PRKCE: variants seen among roughly 807,000 people sequenced by gnomAD.
PRKCE encodes the protein protein kinase C epsilon, also known as protein kinase C epsilon type.
Under a neutral mutation model 85.4 loss-of-function variants are expected in PRKCE, and 16 were observed. That is an observed-to-expected ratio of 0.19 (90% CI 0.13 to 0.28). The LOEUF (loss-of-function observed/expected upper bound fraction) is 0.28. Among genes scored for constraint, PRKCE ranks in the 10% least tolerant of loss-of-function variants. PRKCE has a pLI of 1.00. For missense variants in PRKCE, 573 were observed against 975.2 expected (o/e 0.59, Z 5.49); for synonymous variants, 388 against 371.5 (o/e 1.04, Z -0.51).
chr2:45,744,484 TC>T (rs1410396702), intron 1 of PRKCE, among the ~76,000 whole-genome samples: 158 of 55,298 alleles, frequency 2.9e-3, no homozygotes, highest in African/African-American at 0.013. Flanking sequence ...TTTCTTTCTT[TC>T]TTTTTCTTTC....
intron 2 of PRKCE, among the ~76,000 whole-genome samples, chr2:45,847,705 T>A (rs971122055): frequency 2.0e-5 from 3 of 152,210 alleles, no homozygotes; most frequent in Non-Finnish European, 2.9e-5. Flanking sequence ...AGTAATGAGT[T>A]TGCCACATGG....
At chr2:46,107,407 C>T (rs972028118) in intron 11 of PRKCE, among the ~76,000 whole-genome samples, 3 of 152,176 alleles carry the variant, frequency 2.0e-5, no homozygotes, top group African/African-American at 7.2e-5. Context: ...CTTTGGGAGG[C>T]CGAGGCGGGC....
chr2:45,769,247 A>T (rs1685132237), intron 1 of PRKCE, among the ~76,000 whole-genome samples: 1 of 152,054 alleles, frequency 6.6e-6, no homozygotes, highest in Non-Finnish European at 1.5e-5. Context: ...CGCCCACCTT[A>T]TGCCTTCAAA....
At position 45,984,677 on chromosome 2, in the gene PRKCE, A is replaced by G; in HGVS notation, c.820A>G (p.Lys274Glu). The stretch of plus-strand genomic sequence containing the variant: ...ACTCTTGCGGCAGGGTTTGCAGTGT[A>G]AAGGTAAGTTGCTCCCTGCCCTGCC... Reference protein sequence around the residue: ...WGLLRQGLQCKVCKMNVHRRC... With the variant: ...WGLLRQGLQCEVCKMNVHRRC... Residue 274 changes from lysine (K) to glutamate (E), a missense_variant, in exon 6 of 15, where the codon AAA becomes GAA. Lys to Glu is a moderately conservative substitution (Grantham distance 56, BLOSUM62 1). Coordinates refer to ENST00000306156, the MANE Select transcript of PRKCE (RefSeq NM_005400.3). 6.3e-7 allele frequency: 1 copy of G among 1,598,500 alleles called. No individual in the cohort carries two copies. Among genetic ancestry groups the G allele is most frequent in the Non-Finnish European group, 8.5e-7 (1 of 1,179,068 alleles).
chr2:45,882,520 C>A (rs558482703), intron 2 of PRKCE, among the ~76,000 whole-genome samples: 1 of 152,310 alleles, frequency 6.6e-6, no homozygotes, highest in East Asian at 1.9e-4. Context: ...ATGAGTTCAA[C>A]TACTCCAAAG....
chr2:46,069,969 G>A (rs1014161614), intron 10 of PRKCE, among the ~76,000 whole-genome samples: 1 of 152,228 alleles, frequency 6.6e-6, no homozygotes, highest in African/African-American at 2.4e-5. Flanking sequence ...CTAGCCGACA[G>A]ATTCACACAT....
intron 1 of PRKCE, among the ~76,000 whole-genome samples, chr2:45,672,733 C>T (rs1234835541): frequency 6.6e-6 from 1 of 152,148 alleles, no homozygotes; most frequent in African/African-American, 2.4e-5. Flanking sequence ...ATGGTAAAAA[C>T]TGCCATAAGG....
At chr2:46,112,692 G>A (rs530621761) in intron 11 of PRKCE, among the ~76,000 whole-genome samples, 1 of 152,000 alleles carries the variant, frequency 6.6e-6, no homozygotes, top group South Asian at 2.1e-4. Flanking sequence ...GCTAATTTTT[G>A]TATTTTTAGT....
In PRKCE at chr2:46,041,995, C is replaced by T. The variant is rs1156411586; in HGVS notation, c.1437+31478C>T. On this transcript the variant is annotated intron_variant, in intron 10 of 14. Transcript: ENST00000306156. The surrounding 1 kb of genome is among the most constrained non-coding windows in gnomAD (Gnocchi z 5.5). ...ATAATTTGAGGTGGCAGTCCCCCTT[C>T]CAGGAATCCCATTTTATGGTTTGAT... Among the ~76,000 whole-genome samples the T allele has an allele frequency of 7.2e-5, 11 of 152,182 alleles. No individual in the cohort carries two copies. Among genetic ancestry groups the T allele is most frequent in the African/African-American group, 2.7e-4 (11 of 41,430 alleles).
intron 2 of PRKCE, among the ~76,000 whole-genome samples, chr2:45,945,696 AC>A (rs774124042): frequency 6.6e-6 from 1 of 152,118 alleles, no homozygotes; most frequent in South Asian, 2.1e-4. Flanking sequence ...TACTCTTATT[AC>A]CCCTTCCTCA....
intron 2 of PRKCE, among the ~76,000 whole-genome samples, chr2:45,892,892 T>C (rs1271216025): frequency 6.6e-6 from 1 of 152,170 alleles, no homozygotes; most frequent in Admixed American, 6.5e-5. Context: ...CAGTCAGTAA[T>C]GTACCCCCCG....
intron 2 of PRKCE, among the ~76,000 whole-genome samples, chr2:45,860,267 A>G (rs1001549816): frequency 1.3e-5 from 2 of 152,184 alleles, no homozygotes; most frequent in Admixed American, 1.3e-4. Flanking sequence ...TTGCCACGTA[A>G]TCACCCAAAT....
chr2:46,089,929 T>C (rs1017633735), intron 11 of PRKCE, among the ~76,000 whole-genome samples: 1 of 152,158 alleles, frequency 6.6e-6, no homozygotes, highest in Non-Finnish European at 1.5e-5. Flanking sequence ...TAGGATTCCC[T>C]TGCTCCTAAT....
chr2:45,796,412 A>C (rs1300050943), intron 1 of PRKCE, among the ~76,000 whole-genome samples: 1 of 152,220 alleles, frequency 6.6e-6, no homozygotes, highest in Non-Finnish European at 1.5e-5. Context: ...AAATGAATTA[A>C]TATACATTAT....
At chr2:45,693,429 G>C (rs779734109) in intron 1 of PRKCE, among the ~76,000 whole-genome samples, 8 of 152,160 alleles carry the variant, frequency 5.3e-5, no homozygotes, top group Non-Finnish European at 4.4e-5. Flanking sequence ...GGGTGGCTGA[G>C]GTGACCTGGA....
At chr2:45,968,636 G>A (rs1363594318) in intron 2 of PRKCE, among the ~76,000 whole-genome samples, 1 of 152,120 alleles carries the variant, frequency 6.6e-6, no homozygotes, top group African/African-American at 2.4e-5. Flanking sequence ...AAATAAAAAA[G>A]TTTTTTTAGA....
At chr2:46,061,094 C>CT (rs1553335278) in intron 10 of PRKCE, among the ~76,000 whole-genome samples, 24 of 128,876 alleles carry the variant, frequency 1.9e-4, no homozygotes, top group Non-Finnish European at 6.6e-5. Flanking sequence ...TTCTTTTCTT[C>CT]TTTTTTTTCC....
Position 45,652,507 on chromosome 2 carries a change from C to T in PRKCE, c.348+59C>T. On this transcript the variant is annotated intron_variant, in intron 1 of 14. Transcript: ENST00000306156. This position sits in a 1 kb window ranked among gnomAD's most constrained non-coding sequence, Gnocchi z 7.7. ...CCGGTTGTGGGGTCCCGGGGAAAGA[C>T]TCGCTGGTCTTGATCGTAGGGCTCC... is the stretch of plus-strand genomic sequence containing the variant. 2 of 1,450,740 alleles carry T rather than the reference C, an allele frequency of 1.4e-6. No homozygotes were observed. Among genetic ancestry groups the T allele is most frequent in the Non-Finnish European group, 1.9e-6 (2 of 1,077,332 alleles). The allele number at this position is 1,450,740 out of a possible 1,614,324, so 89.9% of individuals were successfully genotyped here.
intron 14 of PRKCE, among the ~76,000 whole-genome samples, chr2:46,163,073 G>A (rs1356464528): frequency 1.3e-5 from 2 of 152,252 alleles, no homozygotes; most frequent in African/African-American, 4.8e-5. Flanking sequence ...ACGCCATCGC[G>A]CCCCTGTAAC....
Sources: allele counts gnomAD v4.1 joint callset (sites outside exome capture counted in the v4.1 genomes callset), GRCh38; gene constraint gnomAD v4.1.1; non-coding constraint Gnocchi (gnomAD v3.1); transcripts MANE v1.5; gene names NCBI Gene and HGNC (gene_info 2026-07-23, HGNC 2026-07-21).